The following DLG2 variants were observed in gnomAD, a reference collection of about 807,000 sequenced individuals.
The protein encoded by DLG2 is discs large MAGUK scaffold protein 2, also known as disks large homolog 2.
Under a neutral mutation model 132.5 loss-of-function variants are expected in DLG2, and 45 were observed. That is an observed-to-expected ratio of 0.34 (90% confidence interval 0.27 to 0.44). The LOEUF is 0.44. DLG2 is among the 20% of genes least tolerant of loss of function. The pLI, the probability that DLG2 is intolerant of heterozygous loss-of-function variation, is 1.00. For missense variants in DLG2, 1,045 were observed against 1,196.9 expected, an observed-to-expected ratio of 0.87 and a Z score of 1.87; for synonymous variants, 424 against 419.6, an observed-to-expected ratio of 1.01 and a Z score of -0.13.
intron 18 of DLG2, among the ~76,000 whole-genome samples, chr11:83,736,902 G>A (rs2091970641): frequency 1.3e-5 from 2 of 152,170 alleles, no homozygotes; most frequent in South Asian, 2.1e-4. Context: ...TCAGTTTACT[G>A]AGCATCTGTG....
At chr11:84,105,059 T>C (rs2092807464) in intron 9 of DLG2, among the ~76,000 whole-genome samples, 1 of 152,156 alleles carries the variant, frequency 6.6e-6, no homozygotes, top group Non-Finnish European at 1.5e-5. Flanking sequence ...CAATTACTAT[T>C]TTCTTTCCAT....
chr11:84,308,197 G>A (rs1214365764), intron 7 of DLG2, among the ~76,000 whole-genome samples: 1 of 152,102 alleles, frequency 6.6e-6, no homozygotes, highest in East Asian at 1.9e-4. Context: ...TTGACAGGGG[G>A]CTGATTGGTG....
chr11:84,820,747 C>T (rs2077578944), intron 6 of DLG2, among the ~76,000 whole-genome samples: 2 of 150,412 alleles, frequency 1.3e-5, no homozygotes, highest in Admixed American at 6.6e-5. Context: ...TTTTGAGAAG[C>T]CGAGCCCCAC....
intron 18 of DLG2, among the ~76,000 whole-genome samples, chr11:83,753,863 TTTC>T (rs1566832711): frequency 0.029 from 352 of 12,136 alleles, 32 homozygotes; most frequent in African/African-American, 0.23. Flanking sequence ...CATATATATA[TTTC>T]ATATATATGA....
intron 16 of DLG2, among the ~76,000 whole-genome samples, chr11:83,868,530 A>G (rs942029465): frequency 6.6e-6 from 1 of 152,164 alleles, no homozygotes; most frequent in Non-Finnish European, 1.5e-5. Flanking sequence ...GTGTGTGTAT[A>G]TATACATATA....
At chr11:85,030,726 T>A (rs2060931382) in intron 6 of DLG2, among the ~76,000 whole-genome samples, 2 of 152,130 alleles carry the variant, frequency 1.3e-5, no homozygotes, top group African/African-American at 4.8e-5. Context: ...TATTTATACT[T>A]TAAAATGTAC....
At chr11:85,077,439 G>A (rs1383913035) in intron 6 of DLG2, among the ~76,000 whole-genome samples, 1 of 151,792 alleles carries the variant, frequency 6.6e-6, no homozygotes, top group African/African-American at 2.4e-5. Flanking sequence ...GAGTTGTTTG[G>A]CAATAAAATT....
chr11:84,480,756 CTTTTTTT>C (rs777828752), intron 7 of DLG2, among the ~76,000 whole-genome samples: 1 of 113,038 alleles, frequency 8.8e-6, no homozygotes, highest in Non-Finnish European at 1.9e-5. Context: ...TGGGGGTTTT[CTTTTTTT>C]TTTTTTTTTT....
rs534050236 is a variant in DLG2 at position 84,908,800 on chromosome 11, C to T, written c.357+202861G>A. ...TATAAACAAAGATTTTGTTGAAAAA[C>T]ATATGTTGAAAGCATATTTCAACAT... On this transcript the variant is annotated intron_variant, in intron 6 of 27. Coordinates refer to ENST00000376104, the MANE Select transcript of DLG2 (RefSeq NM_001142699.3). 2.3e-3 allele frequency among the ~76,000 whole-genome samples: 350 copies of T among 150,920 alleles called. 5 individuals are homozygous for T. Among genetic ancestry groups the T allele is most frequent in the Middle Eastern group, 3.5e-3 (1 of 284 alleles).
rs1055141234 is a variant in DLG2, at chr11:84,676,499, C to T, written c.358-141768G>A. On this transcript the variant is annotated intron_variant, in intron 6 of 27. Transcript: ENST00000376104. ...GGGATCTGAGGTCCTTTATCACACA[C>T]CCTTTAATCAACATCTACTAATAAA... 2.0e-5 allele frequency among the ~76,000 whole-genome samples: 3 copies of T among 152,018 alleles called. No homozygotes were observed. The South Asian group carries it at 6.2e-4, about 31-fold the overall frequency.
chr11:83,598,583 G>A lies in DLG2; in HGVS notation c.1940+34628C>T, dbSNP rs201794024. ...ATTTGGATTCAAGAGTACTTTCCCA[G>A]CAGGTTATTTTGAGGCTAAATGAGG... On this transcript the variant is annotated intron_variant, in intron 19 of 27. Coordinates refer to ENST00000376104, the MANE Select transcript of DLG2 (RefSeq NM_001142699.3). Among the ~76,000 whole-genome samples the A allele has an allele frequency of 3.9e-4, 60 of 152,236 alleles. No individual in the cohort carries two copies. In the East Asian group the frequency reaches 0.01, roughly 25 times the overall value.
At chr11:84,662,037 G>C (rs2099694942) in intron 6 of DLG2, among the ~76,000 whole-genome samples, 1 of 152,024 alleles carries the variant, frequency 6.6e-6, no homozygotes, top group Non-Finnish European at 1.5e-5. Context: ...GAAAGGGTCA[G>C]CTTGTACTAG....
rs531585933 is a variant in DLG2 at position 84,791,061 on chromosome 11, G to A, written c.358-256330C>T. Among the ~76,000 whole-genome samples, 33 of 152,236 alleles carry A rather than the reference G, an allele frequency of 2.2e-4. No homozygotes were observed. In the South Asian group the frequency reaches 5.4e-3, roughly 25 times the overall value. On this transcript the variant is annotated intron_variant, in intron 6 of 27. Coordinates refer to ENST00000376104, the MANE Select transcript of DLG2 (RefSeq NM_001142699.3). The stretch of plus-strand genomic sequence containing the variant: ...AGGAAACTTACAGTCATGGTGGAAG[G>A]GGAAGCAGGCATGTCTTATGTGGTG...
intron 7 of DLG2, among the ~76,000 whole-genome samples, chr11:84,445,104 A>C (rs946279716): frequency 6.6e-6 from 1 of 152,118 alleles, no homozygotes; most frequent in African/African-American, 2.4e-5. Context: ...GAGCCACTGC[A>C]CTTAGCCTAT....
intron 6 of DLG2, among the ~76,000 whole-genome samples, chr11:84,851,385 C>T (rs1245385892): frequency 6.6e-6 from 1 of 151,998 alleles, no homozygotes; most frequent in Non-Finnish European, 1.5e-5. Context: ...ATACAGTGAG[C>T]CTGGCTCTGG....
intron 6 of DLG2, among the ~76,000 whole-genome samples, chr11:84,906,391 C>T (rs1397592719): frequency 6.6e-6 from 1 of 151,348 alleles, no homozygotes; most frequent in African/African-American, 2.4e-5. Flanking sequence ...AACACACACA[C>T]ACACACACAC....
chr11:84,242,467 A>G (rs965068709), intron 8 of DLG2, among the ~76,000 whole-genome samples: 1 of 151,112 alleles, frequency 6.6e-6, no homozygotes, highest in East Asian at 2.0e-4. Context: ...GTGCAATGGC[A>G]TGATCCCGGC....
intron 21 of DLG2, among the ~76,000 whole-genome samples, chr11:83,526,489 G>A (rs1053022655): frequency 6.6e-6 from 1 of 152,026 alleles, no homozygotes; most frequent in Non-Finnish European, 1.5e-5. Flanking sequence ...TAGGTGCTGG[G>A]GCATACAGAT....
At position 84,557,320 on chromosome 11, in the gene DLG2, C is replaced by T. The variant is rs868012041; in HGVS notation, c.358-22589G>A. ...ATAGATTTCATCTGTGGATTTCTTG[C>T]TTAGTGCCTATTGAAGAGTTTCCAG... On this transcript the variant is annotated intron_variant, in intron 6 of 27. Coordinates refer to ENST00000376104, the MANE Select transcript of DLG2 (RefSeq NM_001142699.3). Among the ~76,000 whole-genome samples the T allele has an allele frequency of 2.6e-5, 4 of 152,060 alleles. No homozygotes were observed. The South Asian group carries it at 6.2e-4, about 24-fold the overall frequency.
Sources: allele counts gnomAD v4.1 joint callset (sites outside exome capture counted in the v4.1 genomes callset), GRCh38; gene constraint gnomAD v4.1.1; transcripts MANE v1.5; gene names NCBI Gene and HGNC (gene_info 2026-07-23, HGNC 2026-07-21).